NPHS2: variants seen among roughly 807,000 people sequenced by gnomAD.
NPHS2 encodes NPHS2 stomatin family member, podocin.
A neutral mutation model predicts 37.1 loss-of-function variants in NPHS2; 36 were observed. The ratio of observed to expected loss-of-function variants is 0.97; its 90% CI spans 0.74 to 1.28. The LOEUF is 1.28. Ranked by LOEUF, NPHS2 falls within the 50% of genes most tolerant of loss-of-function variation. The pLI, the probability that NPHS2 is intolerant of heterozygous loss-of-function variation, is 0.00. For synonymous variants in NPHS2, 196 were observed against 189.3 expected (o/e 1.04, Z -0.29); for missense variants, 447 against 488.1 (o/e 0.92, Z 0.79).
At chr1:179,568,834 G>T (rs1396185583) in intron 1 of NPHS2, among the ~76,000 whole-genome samples, 1 of 152,164 alleles carries the variant, frequency 6.6e-6, no homozygotes, top group East Asian at 1.9e-4. Context: ...GGAGCAAGTT[G>T]TTCAGTTTCC....
At chr1:179,553,418 A>G (rs10458351) in intron 6 of NPHS2, among the ~76,000 whole-genome samples, 93,628 of 152,142 alleles carry the variant, frequency 0.62, 28,978 homozygotes, top group Admixed American at 0.64. Flanking sequence ...ATATTATTTG[A>G]TCATAAAAAG....
Position 179,556,963 on chromosome 1 carries a change from C to T in NPHS2, c.738+64G>A. On this transcript the variant is annotated intron_variant, in intron 5 of 7. Transcript: ENST00000367615. This position sits in a 1 kb window ranked among gnomAD's most constrained non-coding sequence, Gnocchi z 4.1. ...TGGCCATAGAAGATTTAATAAATGT[C>T]CAATGAACAAATGAATAAAAGATAA... 1.4e-6 allele frequency: 2 copies of T among 1,416,396 alleles called. No individual in the cohort carries two copies. 87.7% of individuals were successfully genotyped at this position (1,416,396 alleles called of 1,614,324 possible).
In NPHS2 at chr1:179,550,780, T is replaced by G; in HGVS notation, c.*393A>C. On this transcript the variant is annotated 3_prime_UTR_variant, in exon 8 of 8. Coordinates refer to ENST00000367615, the MANE Select transcript of NPHS2 (RefSeq NM_014625.4). ...GAGCAATAGAGTGTGACAAGCCCAA[T>G]GATAGGTGCTTGTAGGAAGGGCTGT... 1 of 292,384 alleles carries G rather than the reference T, an allele frequency of 3.4e-6. No homozygotes were observed. The highest frequency in any genetic ancestry group is 6.6e-6 in the Non-Finnish European group (1 of 150,526). 18.1% of individuals were successfully genotyped at this position (292,384 alleles called of 1,614,324 possible).
chr1:179,568,061 T>C (rs1558350976), intron 1 of NPHS2, among the ~76,000 whole-genome samples: 2 of 152,158 alleles, frequency 1.3e-5, no homozygotes, highest in Admixed American at 6.5e-5. Context: ...GATTATGTTG[T>C]CCTCATAAAA....
intron 1 of NPHS2, among the ~76,000 whole-genome samples, chr1:179,571,421 C>G (rs1674548866): frequency 6.6e-6 from 1 of 152,198 alleles, no homozygotes; most frequent in Non-Finnish European, 1.5e-5. Context: ...ATATTGCTGC[C>G]TGATGCTTCC....
intron 1 of NPHS2, among the ~76,000 whole-genome samples, chr1:179,566,408 T>C (rs1475563290): frequency 2.7e-5 from 4 of 147,954 alleles, no homozygotes; most frequent in African/African-American, 7.4e-5. Context: ...CACTTTTTGA[T>C]GGGGTTGTTT....
chr1:179,551,340 A>C lies in NPHS2; in HGVS notation c.985T>G (p.Ser329Ala). ...GTGGAAGGCTTCTCTGTGGACAGAGACTGAAGGGTGTGGAGGTATCGAAGC... is the reference window on the plus strand; with the variant it reads ...GTGGAAGGCTTCTCTGTGGACAGAGCCTGAAGGGTGTGGAGGTATCGAAGC... ...VQLRYLHTLQ[S>A]LSTEKPSTVV... The change falls in exon 8 of 8, where the codon TCT becomes GCT. Residue 329 changes from serine (S) to alanine (A), a missense_variant. Coordinates refer to ENST00000367615, the MANE Select transcript of NPHS2 (RefSeq NM_014625.4). 1 of 1,614,160 alleles carries C rather than the reference A, an allele frequency of 6.2e-7. No individual in the cohort carries two copies. Among genetic ancestry groups the C allele is most frequent in the Non-Finnish European group, 8.5e-7 (1 of 1,180,004 alleles).
At chr1:179,563,009 GGCAGTCA>G (rs1177807458) in intron 2 of NPHS2, among the ~76,000 whole-genome samples, 1 of 152,142 alleles carries the variant, frequency 6.6e-6, no homozygotes, top group Non-Finnish European at 1.5e-5. Flanking sequence ...TGTATCTTGT[GGCAGTCA>G]TGCAGGTGCT....
In NPHS2 at chr1:179,556,884, C is replaced by A; in HGVS notation, c.738+143G>T. 1 of 761,892 alleles carries A rather than the reference C, an allele frequency of 1.3e-6. No individual in the cohort carries two copies. Among genetic ancestry groups the A allele is most frequent in the Non-Finnish European group, 2.2e-6 (1 of 456,506 alleles). 47.2% of individuals were successfully genotyped at this position (761,892 alleles called of 1,614,324 possible). A position where few individuals can be genotyped will look rare whatever the true frequency, so the allele number is the denominator to read the frequency against. On this transcript the variant is annotated intron_variant, in intron 5 of 7. Transcript: ENST00000367615. The surrounding 1 kb of genome is among the most constrained non-coding windows in gnomAD (Gnocchi z 4.1). ...TATAATTGACTCAGAGTCAATTTGG[C>A]AACCTCCTAACTAGCTATGAGCTCC...
chr1:179,561,401 GAA>G, intron 2 of NPHS2, 40 bp from the exon 3 acceptor site: 1 of 1,498,618 alleles, frequency 6.7e-7, no homozygotes, highest in Non-Finnish European at 9.3e-7. Context: ...CTCCCAGAAA[GAA>G]AAAGTCTTCA....
chr1:179,570,400 T>C (rs1299113674), intron 1 of NPHS2, among the ~76,000 whole-genome samples: 2 of 152,138 alleles, frequency 1.3e-5, no homozygotes, highest in Non-Finnish European at 2.9e-5. Flanking sequence ...AAAGTATCCC[T>C]TATGGGAAAC....
At chr1:179,565,544 A>G (rs926074945) in intron 1 of NPHS2, among the ~76,000 whole-genome samples, 1 of 152,222 alleles carries the variant, frequency 6.6e-6, no homozygotes, top group African/African-American at 2.4e-5. Context: ...ACTGAGCTTT[A>G]CTTTACATGT....
chr1:179,557,279 CCTATGTGGGG>C, intron 4 of NPHS2, 49 bp from the exon 5 acceptor site: 1 of 1,477,746 alleles, frequency 6.8e-7, no homozygotes, highest in Non-Finnish European at 9.5e-7. Flanking sequence ...GGGCTCCTTT[CCTATGTGGGG>C]TTAGAGGAAC....
At chr1:179,569,352 C>T (rs978742752) in intron 1 of NPHS2, among the ~76,000 whole-genome samples, 1 of 149,918 alleles carries the variant, frequency 6.7e-6, no homozygotes, top group African/African-American at 2.5e-5. Flanking sequence ...TTATCAGAGA[C>T]TAGGATTGCA....
At chr1:179,553,282 G>A (rs569098305) in intron 6 of NPHS2, among the ~76,000 whole-genome samples, 8 of 152,144 alleles carry the variant, frequency 5.3e-5, no homozygotes, top group South Asian at 2.1e-4. Context: ...AATTGAAAAC[G>A]TGTTCACTCA....
At chr1:179,558,418 CT>C (rs1312125039) in intron 4 of NPHS2, among the ~76,000 whole-genome samples, 4 of 152,154 alleles carry the variant, frequency 2.6e-5, no homozygotes, top group African/African-American at 9.6e-5. Flanking sequence ...AATTTCCTTT[CT>C]TTTTAAGGCC....
chr1:179,556,022 C>G lies in NPHS2; in HGVS notation c.738+1005G>C, dbSNP rs199957153. On this transcript the variant is annotated intron_variant, in intron 5 of 7. Coordinates refer to ENST00000367615, the MANE Select transcript of NPHS2 (RefSeq NM_014625.4). This position sits in a 1 kb window ranked among gnomAD's most constrained non-coding sequence, Gnocchi z 4.1. The stretch of plus-strand genomic sequence containing the variant: ...TTAGGATACATGCATTTTTGACTTA[C>G]GATATTTTTTGCTTTATGATGGTTT... Among the ~76,000 whole-genome samples, 7 of 152,032 alleles carry G rather than the reference C, an allele frequency of 4.6e-5. No homozygotes were observed. Among genetic ancestry groups the G allele is most frequent in the African/African-American group, 1.4e-4 (6 of 41,388 alleles).
chr1:179,552,051 C>G (rs543043984), intron 7 of NPHS2: 15 of 168,562 alleles, frequency 8.9e-5, no homozygotes, highest in Admixed American at 7.8e-4. Flanking sequence ...TCCCTTCATT[C>G]TTCACTTTCC....
At chr1:179,575,450 G>C in intron 1 of NPHS2, 141 bp downstream of exon 1, 1 of 1,135,064 alleles carries the variant, frequency 8.8e-7, no homozygotes, top group Non-Finnish European at 1.3e-6. Flanking sequence ...CCTAACTTAC[G>C]CCCTTCCGTT....
Sources: allele counts gnomAD v4.1 joint callset (sites outside exome capture counted in the v4.1 genomes callset), GRCh38; gene constraint gnomAD v4.1.1; non-coding constraint Gnocchi (gnomAD v3.1); transcripts MANE v1.5; gene names NCBI Gene and HGNC (gene_info 2026-07-23, HGNC 2026-07-21).